The following HPSE2 variants were observed in gnomAD, a reference collection of about 807,000 sequenced individuals.
HPSE2 encodes inactive heparanase-2.
Under a neutral mutation model 60.5 loss-of-function variants are expected in HPSE2, and 38 were observed. The observed-to-expected ratio is 0.63, with a 90% CI of 0.48 to 0.82. HPSE2 has a LOEUF of 0.82. Among genes scored for constraint, HPSE2 ranks in the 40% least tolerant of loss-of-function variants. The probability of loss-of-function intolerance (pLI) is 0.00; values close to 1 mark genes in which losing one functional copy is unlikely to be tolerated. For synonymous variants in HPSE2, 295 were observed against 293.2 expected, an observed-to-expected ratio of 1.01 and a Z score of -0.06; for missense variants, 713 against 740.4, an observed-to-expected ratio of 0.96 and a Z score of 0.43.
At chr10:99,109,689 G>A (rs756638797) in intron 3 of HPSE2, among the ~76,000 whole-genome samples, 4 of 152,152 alleles carry the variant, frequency 2.6e-5, no homozygotes, top group African/African-American at 4.8e-5. Context: ...TGTGGGCCCT[G>A]TGTTTCTCTT....
intron 11 of HPSE2, among the ~76,000 whole-genome samples, chr10:98,469,095 C>A (rs1940673711): frequency 6.6e-6 from 1 of 152,108 alleles, no homozygotes; most frequent in Admixed American, 6.6e-5. Context: ...AGGATTTGAT[C>A]TGTATTCTAT....
At chr10:98,863,906 A>C (rs1455439173) in intron 3 of HPSE2, among the ~76,000 whole-genome samples, 1 of 152,116 alleles carries the variant, frequency 6.6e-6, no homozygotes, top group Non-Finnish European at 1.5e-5. Context: ...CCATCATCAT[A>C]AATATACTCA....
intron 2 of HPSE2, among the ~76,000 whole-genome samples, chr10:99,167,827 G>A (rs1255208653): frequency 1.3e-5 from 2 of 151,970 alleles, no homozygotes; most frequent in East Asian, 1.9e-4. Context: ...AGGTCACATC[G>A]AGAAGAACTG....
chr10:99,178,804 G>A (rs10883288), intron 2 of HPSE2, among the ~76,000 whole-genome samples: 1 of 152,010 alleles, frequency 6.6e-6, no homozygotes, highest in South Asian at 2.1e-4. Flanking sequence ...AAACCTGGCA[G>A]AGACACAACA....
chr10:98,476,392 A>G (rs1255396589), intron 11 of HPSE2, among the ~76,000 whole-genome samples: 11 of 149,512 alleles, frequency 7.4e-5, no homozygotes, highest in African/African-American at 2.5e-4. Context: ...TAATGGGTGC[A>G]GCACACCAGC....
At chr10:98,871,393 T>C (rs1952729350) in intron 3 of HPSE2, among the ~76,000 whole-genome samples, 1 of 151,982 alleles carries the variant, frequency 6.6e-6, no homozygotes, top group African/African-American at 2.4e-5. Flanking sequence ...TTTTCTTTCA[T>C]ATATCCATAG....
At position 98,878,492 on chromosome 10, in the gene HPSE2, G is replaced by T. The variant is rs182771568; in HGVS notation, c.611-134436C>A. Among the ~76,000 whole-genome samples, 303 of 152,032 alleles carry T rather than the reference G, an allele frequency of 2.0e-3. 2 individuals are homozygous for T. The highest frequency in any genetic ancestry group is 6.8e-3 in the Middle Eastern group (2 of 294). On this transcript the variant is annotated intron_variant, in intron 3 of 11. Coordinates refer to ENST00000370552, the MANE Select transcript of HPSE2 (RefSeq NM_021828.5). The stretch of plus-strand genomic sequence containing the variant: ...AATAAGAGATAAGCAGGACAAGTTG[G>T]CTAAGGGTAAAAGAATGTTCCAGAC...
intron 3 of HPSE2, among the ~76,000 whole-genome samples, chr10:98,925,149 G>A (rs1029739669): frequency 1.3e-5 from 2 of 152,166 alleles, no homozygotes; most frequent in African/African-American, 4.8e-5. Context: ...CCTCCTCAAT[G>A]CCTCTGTCGT....
intron 3 of HPSE2, among the ~76,000 whole-genome samples, chr10:99,058,138 G>T (rs997809041): frequency 1.3e-5 from 2 of 152,124 alleles, no homozygotes; most frequent in African/African-American, 4.8e-5. Context: ...GAGGGTTCCG[G>T]CAGAAAGGCA....
At chr10:98,609,534 ACCAC>A (rs1945690308) in intron 9 of HPSE2, among the ~76,000 whole-genome samples, 1 of 152,240 alleles carries the variant, frequency 6.6e-6, no homozygotes, top group African/African-American at 2.4e-5. Context: ...CTGTAATCTT[ACCAC>A]CCAAAGAAAA....
intron 9 of HPSE2, among the ~76,000 whole-genome samples, chr10:98,598,843 A>T (rs1376515705): frequency 6.6e-6 from 1 of 152,008 alleles, no homozygotes; most frequent in East Asian, 1.9e-4. Context: ...GGGCTGGTAT[A>T]GAGCCTGCGA....
At chr10:98,990,152 C>T (rs1956488748) in intron 3 of HPSE2, among the ~76,000 whole-genome samples, 1 of 152,232 alleles carries the variant, frequency 6.6e-6, no homozygotes, top group Non-Finnish European at 1.5e-5. Context: ...CACCTGCCAA[C>T]AGATGCAGCT....
chr10:99,209,844 C>T (rs769936323), intron 2 of HPSE2, among the ~76,000 whole-genome samples: 1 of 152,140 alleles, frequency 6.6e-6, no homozygotes, highest in Non-Finnish European at 1.5e-5. Flanking sequence ...TGCATGCCAC[C>T]ACGCCTGGCT....
the HPSE2 span, among the ~76,000 whole-genome samples, chr10:99,257,410 T>C: frequency 2.6e-5 from 4 of 152,148 alleles, no homozygotes; most frequent in Non-Finnish European, 2.9e-5. Context: ...AGAAAGAGAA[T>C]GCATCCCTGA....
At chr10:98,749,947 T>TATATATATATATATATATATACATAC in intron 3 of HPSE2, among the ~76,000 whole-genome samples, 11 of 98,484 alleles carry the variant, frequency 1.1e-4, no homozygotes, top group African/African-American at 3.7e-4. Flanking sequence ...TATATATATA[T>TATATATATATATATATATATACATAC]ACACACACAC....
intron 2 of HPSE2, among the ~76,000 whole-genome samples, chr10:99,176,276 C>A (rs1847523213): frequency 6.6e-6 from 1 of 152,212 alleles, no homozygotes; most frequent in South Asian, 2.1e-4. Context: ...ATGAGTTTGA[C>A]AAACTGACAG....
At chr10:98,495,517 A>C (rs969539970) in intron 9 of HPSE2, among the ~76,000 whole-genome samples, 2 of 152,114 alleles carry the variant, frequency 1.3e-5, no homozygotes, top group Admixed American at 6.5e-5. Flanking sequence ...TGTGTATATT[A>C]GTCCACTTAA....
intron 2 of HPSE2, among the ~76,000 whole-genome samples, chr10:99,217,194 G>A (rs909071926): frequency 6.7e-6 from 1 of 150,290 alleles, no homozygotes; most frequent in African/African-American, 2.4e-5. Context: ...AGTAACATTA[G>A]TATCTAGTAG....
At chr10:98,902,553 C>T (rs774049836) in intron 3 of HPSE2, among the ~76,000 whole-genome samples, 29 of 152,086 alleles carry the variant, frequency 1.9e-4, no homozygotes, top group Non-Finnish European at 3.7e-4. Flanking sequence ...AAGTTACTCA[C>T]CCTCTCAGGA....
Sources: allele counts gnomAD v4.1 joint callset (sites outside exome capture counted in the v4.1 genomes callset), GRCh38; gene constraint gnomAD v4.1.1; transcripts MANE v1.5; gene names NCBI Gene and HGNC (gene_info 2026-07-23, HGNC 2026-07-21).